Variants in VGLL4 observed in about 807,000 individuals in gnomAD.
The protein encoded by VGLL4 is vestigial like family member 4, also known as transcription cofactor vestigial-like protein 4.
VGLL4 carries 7 observed loss-of-function variants against 21.0 expected under a neutral mutation model. That is an observed-to-expected ratio of 0.33 (90% CI 0.19 to 0.63). The LOEUF (loss-of-function observed/expected upper bound fraction) is 0.63. Among genes scored for constraint, VGLL4 ranks in the 20% least tolerant of loss-of-function variants. The probability of loss-of-function intolerance (pLI) is 0.78; values close to 1 mark genes in which losing one functional copy is unlikely to be tolerated. For missense variants in VGLL4, 394 were observed against 425.7 expected (o/e 0.93, Z 0.66); for synonymous variants, 222 against 173.2 (o/e 1.28, Z -2.21).
At chr3:11,606,054 T>C (rs1297275471) in intron 1 of VGLL4, among the ~76,000 whole-genome samples, 1 of 151,042 alleles carries the variant, frequency 6.6e-6, no homozygotes, top group Non-Finnish European at 1.5e-5. Context: ...CTTGATGGAT[T>C]CATAGTTCCA....
At chr3:11,566,060 TC>T (rs2073481795) in intron 2 of VGLL4, among the ~76,000 whole-genome samples, 1 of 152,210 alleles carries the variant, frequency 6.6e-6, no homozygotes, top group Non-Finnish European at 1.5e-5. Context: ...CTACAAGTAG[TC>T]ACCTGTCTTA....
intron 2 of VGLL4, among the ~76,000 whole-genome samples, chr3:11,650,938 CCAA>C (rs1404583964): frequency 1.3e-5 from 2 of 152,088 alleles, no homozygotes; most frequent in Non-Finnish European, 2.9e-5. Flanking sequence ...AAGAACAGTA[CCAA>C]TGATGATGAT....
At chr3:11,626,292 C>A (rs2574711) in intron 1 of VGLL4, 1 of 447,478 alleles carries the variant, frequency 2.2e-6, no homozygotes, top group Non-Finnish European at 4.5e-6. Context: ...AAAGACACAA[C>A]CTTTCCAAAA....
At chr3:11,701,698 G>C (rs9882768) in intron 2 of VGLL4, among the ~76,000 whole-genome samples, 34 of 152,098 alleles carry the variant, frequency 2.2e-4, no homozygotes, top group Non-Finnish European at 4.0e-4. Context: ...AGCCAGTAGA[G>C]AGGTAGACCT....
chr3:11,645,401 T>C (rs1264735968), upstream of VGLL4, among the ~76,000 whole-genome samples: 1 of 146,668 alleles, frequency 6.8e-6, no homozygotes, highest in Non-Finnish European at 1.5e-5. Flanking sequence ...CCATCCTGGC[T>C]AACACGGTGA....
At chr3:11,573,699 G>A (rs1041916676) in intron 2 of VGLL4, among the ~76,000 whole-genome samples, 3 of 152,244 alleles carry the variant, frequency 2.0e-5, no homozygotes, top group African/African-American at 7.2e-5. Flanking sequence ...TACCAGCGCA[G>A]TTGAGCATCT....
At chr3:11,650,718 A>AGCAC (rs1441714185) in intron 2 of VGLL4, among the ~76,000 whole-genome samples, 3 of 147,522 alleles carry the variant, frequency 2.0e-5, no homozygotes, top group Non-Finnish European at 4.5e-5. Context: ...ACACATAGAA[A>AGCAC]ACACACACAC....
chr3:11,706,753 T>A (rs1575549426), intron 1 of VGLL4, among the ~76,000 whole-genome samples: 1 of 98,278 alleles, frequency 1.0e-5, no homozygotes, highest in African/African-American at 4.5e-5. Flanking sequence ...TTATCCCCAG[T>A]GCAGTCATCC....
intron 1 of VGLL4, among the ~76,000 whole-genome samples, chr3:11,715,529 T>C (rs2076908286): frequency 6.6e-6 from 1 of 152,138 alleles, no homozygotes; most frequent in East Asian, 1.9e-4. Flanking sequence ...AGACGGGGTT[T>C]CACCATGTTG....
At chr3:11,680,952 T>C (rs944030865) in intron 2 of VGLL4, among the ~76,000 whole-genome samples, 25 of 152,352 alleles carry the variant, frequency 1.6e-4, no homozygotes, top group Non-Finnish European at 2.9e-4. Context: ...ACGATTTCAA[T>C]GGGAGCCTCC....
At chr3:11,684,124 T>C (rs1325859588) in intron 2 of VGLL4, among the ~76,000 whole-genome samples, 2 of 151,994 alleles carry the variant, frequency 1.3e-5, no homozygotes, top group Non-Finnish European at 2.9e-5. Flanking sequence ...GACAGGACAA[T>C]TGCTTAAACC....
At chr3:11,633,470 C>G (rs2075523203) in intron 1 of VGLL4, 1 of 152,366 alleles carries the variant, frequency 6.6e-6, no homozygotes, top group South Asian at 2.1e-4. Flanking sequence ...GAGATCAAGA[C>G]CATCCTGGCC....
intron 2 of VGLL4, among the ~76,000 whole-genome samples, chr3:11,660,728 C>G (rs920953183): frequency 1.3e-5 from 2 of 152,046 alleles, no homozygotes; most frequent in African/African-American, 4.8e-5. Flanking sequence ...CAAAGATTAT[C>G]TATTTGGGAA....
intron 2 of VGLL4, among the ~76,000 whole-genome samples, chr3:11,585,382 G>A (rs770985987): frequency 4.0e-5 from 6 of 151,314 alleles, no homozygotes; most frequent in African/African-American, 7.3e-5. Context: ...GCAGTGCACC[G>A]AGATTGCGCC....
intron 3 of VGLL4, among the ~76,000 whole-genome samples, chr3:11,561,945 G>C (rs1214246805): frequency 1.4e-5 from 2 of 147,116 alleles, no homozygotes; most frequent in Admixed American, 1.4e-4. Context: ...TGTCGTCCAG[G>C]CTGGAGTGCA....
intron 3 of VGLL4, among the ~76,000 whole-genome samples, chr3:11,562,666 G>T (rs1444986518): frequency 1.3e-5 from 2 of 152,262 alleles, no homozygotes. Flanking sequence ...GCTGCCGCAG[G>T]AAGGAGCCCC....
rs151221220 is a variant in VGLL4, at chr3:11,708,594, C to T, written c.-13-5547G>A. Reference sequence around the variant, plus strand: ...GTCCGTGAAAAGTCCTGGAATGGCCCGAAAAGCTTCAAGCAAGGAAGTGAC... The same window carrying T: ...GTCCGTGAAAAGTCCTGGAATGGCCTGAAAAGCTTCAAGCAAGGAAGTGAC... On this transcript the variant is annotated intron_variant, in intron 1 of 5. Coordinates refer to the VGLL4 transcript ENST00000273038. 2.1e-3 allele frequency among the ~76,000 whole-genome samples: 326 copies of T among 152,058 alleles called. 6 individuals are homozygous for T. The highest frequency in any genetic ancestry group is 0.016 in the Admixed American group (245 of 15,270).
At chr3:11,593,989 A>G (rs2074571522) in intron 2 of VGLL4, among the ~76,000 whole-genome samples, 1 of 152,198 alleles carries the variant, frequency 6.6e-6, no homozygotes, top group Non-Finnish European at 1.5e-5. Context: ...CCGGGGGCAA[A>G]TACACTGTAA....
intron 2 of VGLL4, among the ~76,000 whole-genome samples, chr3:11,688,284 T>C (rs1243964087): frequency 2.6e-5 from 4 of 152,186 alleles, no homozygotes; most frequent in African/African-American, 9.7e-5. Context: ...CATGTTATAT[T>C]AGCCTCACAG....
Sources: gnomAD v4.1 joint callset for allele counts (sites outside exome capture counted in the v4.1 genomes callset) on GRCh38, gnomAD v4.1.1 for gene constraint, MANE v1.5 for transcripts, NCBI Gene and HGNC (gene_info 2026-07-23, HGNC 2026-07-21) for gene names.